Variants in FMO1 observed in about 807,000 individuals in gnomAD.
The protein encoded by FMO1 is flavin-containing monooxygenase 1.
A neutral mutation model predicts 45.4 loss-of-function variants in FMO1; 36 were observed. The observed-to-expected ratio is 0.79, with a 90% CI of 0.61 to 1.05. The LOEUF is 1.05. FMO1 is among the 50% of genes least tolerant of loss of function. The pLI is 0.00. For missense variants in FMO1, 615 were observed against 640.3 expected (o/e 0.96, Z 0.43); for synonymous variants, 228 against 227.2 (o/e 1.00, Z -0.03).
rs200472920 is a variant in FMO1, at chr1:171,259,790, C to CAGCTGG, written c.132+1572_132+1577dup. ...GAATCAAGAGAAATGAGTCTGGATC[C>CAGCTGG]AGCTGGGCCCATTTCCAGCTGTGTG... On this transcript the variant is annotated intron_variant, in intron 2 of 8. Transcript: ENST00000617670. Among the ~76,000 whole-genome samples, 219 of 152,264 alleles carry CAGCTGG rather than the reference C, an allele frequency of 1.4e-3. 2 individuals carry two copies. The East Asian group carries it at 0.023, about 16-fold the overall frequency.
chr1:171,251,102 C>T (rs1012392232), intron 1 of FMO1, among the ~76,000 whole-genome samples: 5 of 152,160 alleles, frequency 3.3e-5, no homozygotes, highest in African/African-American at 1.2e-4. Flanking sequence ...AGTTTGTTTA[C>T]TCATGTGATC....
At chr1:171,250,718 GT>G (rs1219584066) in intron 1 of FMO1, among the ~76,000 whole-genome samples, 1 of 151,902 alleles carries the variant, frequency 6.6e-6, no homozygotes, top group African/African-American at 2.4e-5. Context: ...TATTTTACTT[GT>G]TTTTTTCACT....
intron 6 of FMO1, 21 bp downstream of exon 6, chr1:171,281,006 A>G: frequency 1.2e-6 from 2 of 1,606,906 alleles, no homozygotes; most frequent in Non-Finnish European, 1.7e-6. Context: ...TGTGACTGCC[A>G]AGGGCTTTTA....
intron 1 of FMO1, chr1:171,257,734 C>T: frequency 3.1e-6 from 1 of 318,940 alleles, no homozygotes; most frequent in African/African-American, 2.2e-5. Context: ...CTGATCTATG[C>T]AGTTCTAGGG....
chr1:171,270,773 G>A (rs1327393191), intron 3 of FMO1: 1 of 940,072 alleles, frequency 1.1e-6, no homozygotes, highest in Non-Finnish European at 1.4e-6. Context: ...ACACCACCAG[G>A]AGAGGGCTAT....
At position 171,280,826 on chromosome 1, in the gene FMO1, G is replaced by A. The variant is rs16864310; in HGVS notation, c.668G>A (p.Arg223Gln). 7.1e-5 allele frequency: 114 copies of A among 1,613,548 alleles called. 1 individual carries two copies. The East Asian group carries it at 1.0e-3, about 15-fold the overall frequency. ...STTGGGWVIS[R>Q]IFDSGYPWDM... Reference sequence around the variant, plus strand: ...ACCGGAGGGGGATGGGTGATCAGCCGAATCTTTGACTCGGGCTACCCATGG... The same window carrying A: ...ACCGGAGGGGGATGGGTGATCAGCCAAATCTTTGACTCGGGCTACCCATGG... Residue 223 changes from arginine (R) to glutamine (Q), a missense_variant, in exon 6 of 9, where the codon CGA becomes CAA. Coordinates refer to ENST00000617670, the MANE Select transcript of FMO1 (RefSeq NM_001282693.2).
intron 3 of FMO1, among the ~76,000 whole-genome samples, chr1:171,274,915 A>C (rs1338427393): frequency 2.0e-5 from 3 of 152,254 alleles, no homozygotes; most frequent in Non-Finnish European, 4.4e-5. Context: ...ATATTCTATA[A>C]AACCTCATAA....
intron 5 of FMO1, 73 bp downstream of exon 5, chr1:171,278,944 C>T (rs919550953): frequency 1.7e-6 from 2 of 1,192,478 alleles, no homozygotes; most frequent in Non-Finnish European, 2.3e-6. Flanking sequence ...TGTTTGACAC[C>T]ATGATAAATG....
chr1:171,253,237 T>A (rs1357079542), intron 1 of FMO1, among the ~76,000 whole-genome samples: 1 of 152,216 alleles, frequency 6.6e-6, no homozygotes, highest in African/African-American at 2.4e-5. Flanking sequence ...ACACAATCAT[T>A]AAACACACAT....
intron 5 of FMO1, among the ~76,000 whole-genome samples, chr1:171,279,910 C>G (rs900035470): frequency 1.3e-5 from 2 of 152,064 alleles, no homozygotes; most frequent in African/African-American, 4.8e-5. Flanking sequence ...CGCTACCCCT[C>G]TCTCTTCTTC....
intron 2 of FMO1, among the ~76,000 whole-genome samples, chr1:171,259,733 C>G (rs1207712147): frequency 6.6e-6 from 1 of 152,190 alleles, no homozygotes; most frequent in Non-Finnish European, 1.5e-5. Flanking sequence ...TCACAGGCAC[C>G]TAATCATCAA....
At chr1:171,277,796 C>T (rs913925351) in intron 4 of FMO1, among the ~76,000 whole-genome samples, 8 of 152,108 alleles carry the variant, frequency 5.3e-5, no homozygotes, top group Admixed American at 1.3e-4. Flanking sequence ...AACTTGGATT[C>T]GTGTTAGATT....
chr1:171,261,139 A>G (rs767019694), intron 2 of FMO1, among the ~76,000 whole-genome samples: 1 of 152,154 alleles, frequency 6.6e-6, no homozygotes, highest in East Asian at 1.9e-4. Flanking sequence ...ACCTTCATGC[A>G]GCAGCCTTCT....
At chr1:171,253,547 A>G (rs1283466816) in intron 1 of FMO1, among the ~76,000 whole-genome samples, 1 of 152,102 alleles carries the variant, frequency 6.6e-6, no homozygotes, top group Non-Finnish European at 1.5e-5. Flanking sequence ...GGATCACCTG[A>G]GGTCGGGAGT....
At chr1:171,275,761 A>C (rs1661083477) in intron 4 of FMO1, among the ~76,000 whole-genome samples, 1 of 152,140 alleles carries the variant, frequency 6.6e-6, no homozygotes, top group Admixed American at 6.6e-5. Flanking sequence ...TTTATGCTTT[A>C]CCAAGATTCA....
chr1:171,253,221 T>A (rs1448504824), intron 1 of FMO1, among the ~76,000 whole-genome samples: 1 of 152,232 alleles, frequency 6.6e-6, no homozygotes, highest in African/African-American at 2.4e-5. Context: ...TCCTTCACTT[T>A]CTAAAACACA....
chr1:171,261,899 G>A (rs1275656756), intron 2 of FMO1, among the ~76,000 whole-genome samples: 1 of 151,996 alleles, frequency 6.6e-6, no homozygotes, highest in Non-Finnish European at 1.5e-5. Flanking sequence ...GAGAGAGGGT[G>A]GAAACCATTA....
chr1:171,248,669 G>A (rs1659736938), intron 1 of FMO1, 46 bp downstream of exon 1: 1 of 152,024 alleles, frequency 6.6e-6, no homozygotes, highest in South Asian at 2.1e-4. Context: ...TGAGGAAAGT[G>A]GGGTCTGGAG....
chr1:171,264,823 C>T (rs1258921740), intron 2 of FMO1, among the ~76,000 whole-genome samples: 2 of 151,938 alleles, frequency 1.3e-5, no homozygotes, highest in Non-Finnish European at 2.9e-5. Flanking sequence ...GTCGTGAACC[C>T]AGGAGGCGGA....
Sources: gnomAD v4.1 joint callset for allele counts (sites outside exome capture counted in the v4.1 genomes callset) on GRCh38, gnomAD v4.1.1 for gene constraint, MANE v1.5 for transcripts, NCBI Gene and HGNC (gene_info 2026-07-23, HGNC 2026-07-21) for gene names.